ACSL6: variants seen among roughly 807,000 people sequenced by gnomAD.
The protein encoded by ACSL6 is acyl-CoA synthetase long chain family member 6, also known as long-chain-fatty-acid--CoA ligase 6.
ACSL6 carries 47 observed loss-of-function variants against 98.2 expected under a neutral mutation model. The ratio of observed to expected loss-of-function variants is 0.48; its 90% CI spans 0.38 to 0.61. The LOEUF (loss-of-function observed/expected upper bound fraction) is 0.61, where lower values mean the gene tolerates loss of function less well. Ranked by LOEUF, ACSL6 falls within the 20% of genes least tolerant of loss-of-function variation. The probability of loss-of-function intolerance (pLI) is 0.00; values close to 1 mark genes in which losing one functional copy is unlikely to be tolerated. For missense variants in ACSL6, 761 were observed against 913.4 expected (o/e 0.83, Z 2.15); for synonymous variants, 362 against 336.9 (o/e 1.07, Z -0.82).
At chr5:131,973,498 CA>C in intron 11 of ACSL6, 98 bp from the exon 12 acceptor site, 1 of 1,309,640 alleles carries the variant, frequency 7.6e-7, no homozygotes, top group African/African-American at 1.5e-5. Context: ...GGAGGGCACC[CA>C]TGACCCCCTG....
intron 15 of ACSL6, among the ~76,000 whole-genome samples, chr5:131,969,704 G>T (rs567183653): frequency 3.9e-5 from 6 of 152,258 alleles, no homozygotes. Context: ...CCAGGGTACT[G>T]TTTCTTAAAG....
At chr5:132,004,970 T>C (rs1284838527) in intron 1 of ACSL6, among the ~76,000 whole-genome samples, 1 of 151,962 alleles carries the variant, frequency 6.6e-6, no homozygotes, top group Non-Finnish European at 1.5e-5. Context: ...GCCAATGTGG[T>C]GAAACCCCGT....
chr5:131,955,346 A>C (rs1173647460), intron 20 of ACSL6, among the ~76,000 whole-genome samples: 1 of 152,222 alleles, frequency 6.6e-6, no homozygotes, highest in African/African-American at 2.4e-5. Flanking sequence ...ACATTCAAAG[A>C]AGCACAGATT....
chr5:131,971,355 C>A (rs1054209656), intron 14 of ACSL6, among the ~76,000 whole-genome samples, 195 bp downstream of exon 14: 1 of 152,174 alleles, frequency 6.6e-6, no homozygotes, highest in Admixed American at 6.5e-5. Flanking sequence ...AGTGGATAAA[C>A]CTGGGCTTTC....
In ACSL6 at chr5:131,989,445, C is replaced by A. The variant is rs145479446; in HGVS notation, c.514G>T (p.Asp172Tyr). The change falls in exon 5 of 21, where the codon GAT becomes TAT. Residue 172 changes from aspartate (D) to tyrosine (Y), a missense_variant. Transcript: ENST00000651883. The part of the protein sequence containing the change: ...LLQHNCKACT[D>Y]QFIGVFAQNR... ...TGTGCAAAAACACCAATAAACTGAT[C>A]AGTGCATGCTTTACAATTGTGCTGG... The A allele has an allele frequency of 1.9e-6, 3 of 1,614,040 alleles. No homozygotes were observed. The highest frequency in any genetic ancestry group is 1.7e-6 in the Non-Finnish European group (2 of 1,179,994).
At chr5:131,997,662 T>C (rs1337380411) in intron 1 of ACSL6, among the ~76,000 whole-genome samples, 1 of 152,180 alleles carries the variant, frequency 6.6e-6, no homozygotes, top group Non-Finnish European at 1.5e-5. Flanking sequence ...GCTGAGTCCT[T>C]CTCCTCCTAC....
In ACSL6 at chr5:132,011,642, G is replaced by GCGC. The variant is rs531367619; in HGVS notation, c.-92_-90dup. The GCGC allele has an allele frequency of 7.5e-5, 95 of 1,261,394 alleles. No individual in the cohort carries two copies. The African/African-American group carries it at 7.7e-4, about 10-fold the overall frequency. The allele number at this position is 1,261,394 out of a possible 1,614,324, so 78.1% of individuals were successfully genotyped here. A position where few individuals can be genotyped will look rare whatever the true frequency, so the allele number is the denominator to read the frequency against. On this transcript the variant is annotated 5_prime_UTR_variant, in exon 1 of 21. Coordinates refer to ENST00000651883, the MANE Select transcript of ACSL6 (RefSeq NM_001009185.3). This position sits in a 1 kb window ranked among gnomAD's most constrained non-coding sequence, Gnocchi z 5.4. ...CAGCCCAGCAGCCCCAGCAGTAGCC[G>GCGC]CGCCGCCGCCGCCGCTGCCGGGTAT...
At position 131,985,253 on chromosome 5, in the gene ACSL6, G is replaced by A. The variant is rs112779541; in HGVS notation, c.916+154C>T. On this transcript the variant is annotated intron_variant, in intron 9 of 20. Coordinates refer to ENST00000651883, the MANE Select transcript of ACSL6 (RefSeq NM_001009185.3). ...CTGGCCACTCTTATGCAGGGCACTG[G>A]GAGGTGCAGGAGGTCACCCAGTGTC... is the stretch of plus-strand genomic sequence containing the variant. The A allele has an allele frequency of 1.2e-3, 1,030 of 860,798 alleles. 11 individuals carry two copies. In the African/African-American group the frequency reaches 0.02, roughly 17 times the overall value. 53.3% of individuals were successfully genotyped at this position (860,798 alleles called of 1,614,324 possible).
At chr5:131,970,235 C>T in intron 14 of ACSL6, 35 bp from the exon 15 acceptor site, 1 of 1,605,528 alleles carries the variant, frequency 6.2e-7, no homozygotes, top group East Asian at 2.2e-5. Context: ...ACTATGGGCA[C>T]ACACCCTCCA....
At chr5:131,975,831 C>T (rs1753585979) in intron 10 of ACSL6, 1 of 985,368 alleles carries the variant, frequency 1.0e-6, no homozygotes, top group South Asian at 4.7e-5. Context: ...GAGGCCTTCA[C>T]TCTCCTGTGC....
rs368269614 is a variant in ACSL6 at position 131,988,019 on chromosome 5, C to T, written c.831+29G>A. ...ACTTGGTGACCAGCCAGCAGTAGCCCAGCAAACCGCCCAGAAGCAGACCCT... is the reference window on the plus strand; with the variant it reads ...ACTTGGTGACCAGCCAGCAGTAGCCTAGCAAACCGCCCAGAAGCAGACCCT... On this transcript the variant is annotated intron_variant, in intron 7 of 20. Coordinates refer to ENST00000651883, the MANE Select transcript of ACSL6 (RefSeq NM_001009185.3). 5 of 1,607,336 alleles carry T rather than the reference C, an allele frequency of 3.1e-6. No homozygotes were observed. In the Admixed American group the frequency reaches 6.7e-5, roughly 22 times the overall value.
At chr5:131,994,362 G>A (rs927490274) in intron 1 of ACSL6, 111 bp from the exon 2 acceptor site, 1 of 912,054 alleles carries the variant, frequency 1.1e-6, no homozygotes. Context: ...GCAGGCCCTC[G>A]GGGAGTTGGG....
rs181137502 is a variant in ACSL6, at chr5:131,961,276, C to T, written c.1858-655G>A. Among the ~76,000 whole-genome samples, 85 of 152,152 alleles carry T rather than the reference C, an allele frequency of 5.6e-4. 1 individual carries two copies. In the East Asian group the frequency reaches 0.016, roughly 28 times the overall value. ...CTGGGCTCAAGTGATCCTCCTGCCT[C>T]GGTCTCCCAAAGTGTTGGGATTACA... On this transcript the variant is annotated intron_variant, in intron 18 of 20. Coordinates refer to ENST00000651883, the MANE Select transcript of ACSL6 (RefSeq NM_001009185.3).
Position 131,988,160 on chromosome 5 carries a change from C to T in ACSL6, c.719G>A (p.Arg240Lys). The T allele has an allele frequency of 6.2e-7, 1 of 1,614,212 alleles. No homozygotes were observed. The highest frequency in any genetic ancestry group is 8.5e-7 in the Non-Finnish European group (1 of 1,180,038). The change falls in exon 7 of 21, where the codon AGG becomes AAG. Residue 240 changes from arginine (R) to lysine (K), a missense_variant. Coordinates refer to ENST00000651883, the MANE Select transcript of ACSL6 (RefSeq NM_001009185.3). ...KAVLLLEHVE[R>K]KETPGLKLII... Reference sequence around the variant, plus strand: ...CAGCTTGAGGCCTGGAGTCTCCTTCCTCTCCACATGCTCTAGCAGAAGCAC... The same window carrying T: ...CAGCTTGAGGCCTGGAGTCTCCTTCTTCTCCACATGCTCTAGCAGAAGCAC...
rs1055495816 is a variant in ACSL6, at chr5:131,951,217, C to G, written c.*3017G>C. ...AAGGAACTGATTATCTGTTATACTT[C>G]TAGGCTTAAATAGATCCAATGCCCA... is the stretch of plus-strand genomic sequence containing the variant. On this transcript the variant is annotated 3_prime_UTR_variant, in exon 21 of 21. Coordinates refer to ENST00000651883, the MANE Select transcript of ACSL6 (RefSeq NM_001009185.3). 4.7e-6 allele frequency: 1 copy of G among 212,014 alleles called. No homozygotes were observed. The highest frequency in any genetic ancestry group is 5.9e-5 in the Admixed American group (1 of 16,994). 13.1% of individuals were successfully genotyped at this position (212,014 alleles called of 1,614,324 possible).
At position 131,990,109 on chromosome 5, in the gene ACSL6, G is replaced by C; in HGVS notation, c.441C>G (p.Ser147=). ...GTCCTGTATCACTCACCTCCTGGTA[G>C]GACAGCCACTGGTAAGGCTGCTTAG... The part of the protein sequence containing the change: ...RKPKQPYQWL[S]YQEVADRAEF... Residue 147 remains serine (S), a synonymous_variant, in exon 4 of 21, where the codon TCC becomes TCG. Coordinates refer to ENST00000651883, the MANE Select transcript of ACSL6 (RefSeq NM_001009185.3). 6.2e-7 allele frequency: 1 copy of C among 1,613,848 alleles called. No individual in the cohort carries two copies. Among genetic ancestry groups the C allele is most frequent in the Non-Finnish European group, 8.5e-7 (1 of 1,179,968 alleles).
In ACSL6 at chr5:131,952,442, T is replaced by C. The variant is rs1475562397; in HGVS notation, c.*1792A>G. ...TATTCAGTAGGCCCATGTGATTATG[T>C]GGTTTTTAACTAACAGCATTTATTT... On this transcript the variant is annotated 3_prime_UTR_variant, in exon 21 of 21. Coordinates refer to ENST00000651883, the MANE Select transcript of ACSL6 (RefSeq NM_001009185.3). 9.4e-6 allele frequency: 2 copies of C among 213,710 alleles called. No homozygotes were observed. The highest frequency in any genetic ancestry group is 1.9e-5 in the Non-Finnish European group (2 of 105,808). The allele number at this position is 213,710 out of a possible 1,614,324, so 13.2% of individuals were successfully genotyped here.
Position 131,972,708 on chromosome 5 carries a change from T to G in ACSL6, c.1338+16A>C. ...TACTTAGGTGTCACTCTATAATCAC[T>G]TGTTCATTTTCTTACCTGAATCTTA... On this transcript the variant is annotated intron_variant, in intron 13 of 20. Coordinates refer to ENST00000651883, the MANE Select transcript of ACSL6 (RefSeq NM_001009185.3). 1 of 1,614,040 alleles carries G rather than the reference T, an allele frequency of 6.2e-7. No individual in the cohort carries two copies. Among genetic ancestry groups the G allele is most frequent in the Non-Finnish European group, 8.5e-7 (1 of 1,179,966 alleles).
At chr5:131,962,945 C>A (rs1752793375) in intron 17 of ACSL6, among the ~76,000 whole-genome samples, 1 of 152,114 alleles carries the variant, frequency 6.6e-6, no homozygotes, top group African/African-American at 2.4e-5. Context: ...AGTCCTCCCA[C>A]CACTGCCACC....
Sources: gnomAD v4.1 joint callset for allele counts (sites outside exome capture counted in the v4.1 genomes callset) on GRCh38, gnomAD v4.1.1 for gene constraint, Gnocchi (gnomAD v3.1) non-coding constraint, MANE v1.5 for transcripts, NCBI Gene and HGNC (gene_info 2026-07-23, HGNC 2026-07-21) for gene names.